Variants in FOXP4 observed in about 807,000 individuals in gnomAD.
FOXP4 encodes forkhead box P4, also known as forkhead box protein P4.
FOXP4 carries 25 observed loss-of-function variants against 82.6 expected under a neutral mutation model. The ratio of observed to expected loss-of-function variants is 0.30; its 90% CI spans 0.22 to 0.42. FOXP4 has a LOEUF of 0.42. Among genes scored for constraint, FOXP4 ranks in the 10% least tolerant of loss-of-function variants. The probability of loss-of-function intolerance (pLI) is 1.00; values close to 1 mark genes in which losing one functional copy is unlikely to be tolerated. For missense variants in FOXP4, 785 were observed against 900.9 expected (o/e 0.87, Z 1.65); for synonymous variants, 415 against 388.2 (o/e 1.07, Z -0.81).
intron 2 of FOXP4, among the ~76,000 whole-genome samples, chr6:41,568,035 A>G (rs1764978915): frequency 6.6e-6 from 1 of 152,244 alleles, no homozygotes; most frequent in Non-Finnish European, 1.5e-5. Context: ...AAGATTTCCA[A>G]TTAAAATGAA....
chr6:41,578,862 C>T (rs1232807510), intron 3 of FOXP4, among the ~76,000 whole-genome samples: 1 of 152,134 alleles, frequency 6.6e-6, no homozygotes, highest in Admixed American at 6.5e-5. Flanking sequence ...ATGCTCCCCC[C>T]ACCCCTCCCC....
intron 2 of FOXP4, among the ~76,000 whole-genome samples, chr6:41,567,896 G>A (rs1562019972): frequency 6.6e-6 from 1 of 152,200 alleles, no homozygotes; most frequent in Non-Finnish European, 1.5e-5. Context: ...TTGGAGGCAG[G>A]CAGAGGGCTG....
intron 1 of FOXP4, among the ~76,000 whole-genome samples, chr6:41,557,455 T>C (rs1764337872): frequency 6.6e-6 from 1 of 152,220 alleles, no homozygotes; most frequent in African/African-American, 2.4e-5. Context: ...TGTTCCCATT[T>C]ACTGCAGAGT....
intron 2 of FOXP4, among the ~76,000 whole-genome samples, chr6:41,567,691 G>T (rs1764960866): frequency 6.6e-6 from 1 of 152,186 alleles, no homozygotes; most frequent in Non-Finnish European, 1.5e-5. Flanking sequence ...ACAGTTCTCT[G>T]GATAACTGGG....
chr6:41,565,705 CA>C lies in FOXP4; in HGVS notation c.-16-39del, dbSNP rs962298612. 8 of 1,526,798 alleles carry C rather than the reference CA, an allele frequency of 5.2e-6. No individual in the cohort carries two copies. The African/African-American group carries it at 1.1e-4, about 21-fold the overall frequency. 94.6% of individuals were successfully genotyped at this position (1,526,798 alleles called of 1,614,324 possible). On this transcript the variant is annotated intron_variant, in intron 1 of 16. Transcript: ENST00000307972. Reference sequence around the variant, plus strand: ...CAGCAGTCACTGCCCTTTCAGCCTTCAGCCTCAGCCTCTCCCCTGTGTCTCT... The same window carrying C: ...CAGCAGTCACTGCCCTTTCAGCCTTCGCCTCAGCCTCTCCCCTGTGTCTCT...
At chr6:41,555,855 G>A (rs1231964258) in intron 1 of FOXP4, among the ~76,000 whole-genome samples, 2 of 152,174 alleles carry the variant, frequency 1.3e-5, no homozygotes, top group Non-Finnish European at 2.9e-5. Flanking sequence ...AACAAGCAGG[G>A]ACTAATTAGA....
Position 41,587,405 on chromosome 6 carries a change from G to A in FOXP4, c.765G>A (p.Thr255=), listed in dbSNP as rs775762406. 8 of 1,589,072 alleles carry A rather than the reference G, an allele frequency of 5.0e-6. No homozygotes were observed. Among genetic ancestry groups the A allele is most frequent in the Admixed American group, 3.5e-5 (2 of 56,928 alleles). ...VKQEGLDLTG[T]AATATSFAAP... Reference sequence around the variant, plus strand: ...AGGAGGGGCTGGACCTCACTGGCACGGCCGCCACCGCTACCTCGTTTGCCG... The same window carrying A: ...AGGAGGGGCTGGACCTCACTGGCACAGCCGCCACCGCTACCTCGTTTGCCG... Residue 255 remains threonine, a synonymous_variant, in exon 7 of 17, where the codon ACG becomes ACA. Transcript: ENST00000307972.
At chr6:41,566,297 C>T (rs1342946823) in intron 2 of FOXP4, among the ~76,000 whole-genome samples, 1 of 152,218 alleles carries the variant, frequency 6.6e-6, no homozygotes, top group East Asian at 1.9e-4. Context: ...GTGGGCACTC[C>T]ACTCTTCACC....
intron 1 of FOXP4, among the ~76,000 whole-genome samples, chr6:41,555,250 CA>C (rs1334126459): frequency 5.9e-4 from 85 of 143,648 alleles, no homozygotes; most frequent in East Asian, 1.0e-3. Flanking sequence ...GACCCTGTCT[CA>C]AAAAAAAAAA....
intron 1 of FOXP4, among the ~76,000 whole-genome samples, chr6:41,552,300 T>G (rs564324504): frequency 3.3e-5 from 5 of 152,216 alleles, no homozygotes; most frequent in African/African-American, 1.2e-4. Context: ...GGGAGAGTTT[T>G]GGGGAGATAT....
intron 1 of FOXP4, among the ~76,000 whole-genome samples, chr6:41,554,099 CA>C (rs1764148841): frequency 6.6e-6 from 1 of 152,208 alleles, no homozygotes; most frequent in African/African-American, 2.4e-5. Flanking sequence ...CTTATCCCCA[CA>C]ACAACCCTGA....
intron 1 of FOXP4, among the ~76,000 whole-genome samples, chr6:41,549,800 AG>A (rs1439142836): frequency 6.6e-6 from 1 of 151,728 alleles, no homozygotes; most frequent in Non-Finnish European, 1.5e-5. Context: ...GTGAGGTGCA[AG>A]GGGAGGGAAG....
chr6:41,584,150 G>A (rs1765959328), intron 3 of FOXP4, among the ~76,000 whole-genome samples: 1 of 152,192 alleles, frequency 6.6e-6, no homozygotes, highest in African/African-American at 2.4e-5. Context: ...ATGGCACCAA[G>A]AGCGCTCTGT....
rs1767192980 is a variant in FOXP4, at chr6:41,600,996, C to T, written c.*2060C>T. Reference sequence around the variant, plus strand: ...GCTGCAGGGATGGAGAGGACCACCGCCGCAGGGTTCTTTTACCTGTGCCAC... The same window carrying T: ...GCTGCAGGGATGGAGAGGACCACCGTCGCAGGGTTCTTTTACCTGTGCCAC... On this transcript the variant is annotated 3_prime_UTR_variant, in exon 17 of 17. Coordinates refer to ENST00000307972, the MANE Select transcript of FOXP4 (RefSeq NM_001012426.2). The T allele has an allele frequency of 6.6e-6, 1 of 152,284 alleles. No individual in the cohort carries two copies. Among genetic ancestry groups the T allele is most frequent in the East Asian group, 1.9e-4 (1 of 5,198 alleles). 9.4% of individuals were successfully genotyped at this position (152,284 alleles called of 1,614,324 possible). A position where few individuals can be genotyped will look rare whatever the true frequency, so the allele number is the denominator to read the frequency against.
chr6:41,547,063 C>T (rs1763670996), intron 1 of FOXP4, among the ~76,000 whole-genome samples, 196 bp downstream of exon 1: 1 of 151,766 alleles, frequency 6.6e-6, no homozygotes, highest in South Asian at 2.1e-4. Context: ...CCAGGGCCGG[C>T]CGTGGCGCAC....
Position 41,600,447 on chromosome 6 carries a change from C to T in FOXP4, c.*1511C>T, listed in dbSNP as rs1338854114. The stretch of plus-strand genomic sequence containing the variant: ...TGGGCGTATCGGATGCTCATAACAC[C>T]CCTGGCCTGGCCCCTTTACTGAGAA... On this transcript the variant is annotated 3_prime_UTR_variant, in exon 17 of 17. Transcript: ENST00000307972. 6.6e-6 allele frequency: 1 copy of T among 152,580 alleles called. No individual in the cohort carries two copies. The highest frequency in any genetic ancestry group is 1.5e-5 in the Non-Finnish European group (1 of 68,126). The allele number at this position is 152,580 out of a possible 1,614,324, so 9.5% of individuals were successfully genotyped here. A position where few individuals can be genotyped will look rare whatever the true frequency, so the allele number is the denominator to read the frequency against.
At chr6:41,598,036 C>T (rs1766969724) in intron 16 of FOXP4, 86 bp downstream of exon 16, 2 of 1,073,772 alleles carry the variant, frequency 1.9e-6, no homozygotes, top group East Asian at 5.9e-5. Flanking sequence ...GGGTGGGGTT[C>T]CCCATCCCAC....
At chr6:41,556,275 G>A (rs11757960) in intron 1 of FOXP4, among the ~76,000 whole-genome samples, 2 of 152,002 alleles carry the variant, frequency 1.3e-5, no homozygotes, top group South Asian at 2.1e-4. Flanking sequence ...TTGCATGGGG[G>A]AGAGAGGAGG....
At chr6:41,579,178 C>A (rs144627719) in intron 3 of FOXP4, among the ~76,000 whole-genome samples, 17 of 152,212 alleles carry the variant, frequency 1.1e-4, no homozygotes, top group Non-Finnish European at 2.4e-4. Flanking sequence ...AACAGTAACC[C>A]TCTTAAAATT....
Sources: gnomAD v4.1 joint callset for allele counts (sites outside exome capture counted in the v4.1 genomes callset) on GRCh38, gnomAD v4.1.1 for gene constraint, MANE v1.5 for transcripts, NCBI Gene and HGNC (gene_info 2026-07-23, HGNC 2026-07-21) for gene names.